Variants in HERC4 observed in about 807,000 individuals in gnomAD.
HERC4 encodes HECT and RLD domain containing E3 ubiquitin protein ligase 4.
In HERC4, 28 loss-of-function variants were observed where a neutral mutation model predicts 124.3. The ratio of observed to expected loss-of-function variants is 0.23; its 90% CI spans 0.17 to 0.31. The LOEUF is 0.31. Ranked by LOEUF, HERC4 falls within the 10% of genes least tolerant of loss-of-function variation. The pLI is 1.00. For synonymous variants in HERC4, 407 were observed against 421.5 expected (o/e 0.97, Z 0.42); for missense variants, 713 against 1,229.3 (o/e 0.58, Z 6.28).
At chr10:67,980,615 C>T (rs1344212518) in intron 15 of HERC4, among the ~76,000 whole-genome samples, 1 of 152,076 alleles carries the variant, frequency 6.6e-6, no homozygotes, top group Non-Finnish European at 1.5e-5. Context: ...AATATTACAA[C>T]ACTGTAATTA....
At chr10:67,972,465 G>C (rs960086823) in intron 15 of HERC4, among the ~76,000 whole-genome samples, 4 of 146,696 alleles carry the variant, frequency 2.7e-5, no homozygotes, top group African/African-American at 7.6e-5. Flanking sequence ...AGGTTGCGGT[G>C]AGCTGAGATC....
At chr10:68,052,070 GA>G (rs969157129) in intron 3 of HERC4, among the ~76,000 whole-genome samples, 1 of 148,548 alleles carries the variant, frequency 6.7e-6, no homozygotes, top group Non-Finnish European at 1.5e-5. Flanking sequence ...TTCTCTTCAA[GA>G]AAAAAAAAGA....
chr10:68,057,180 T>C (rs1412250522), intron 3 of HERC4, among the ~76,000 whole-genome samples: 1 of 152,134 alleles, frequency 6.6e-6, no homozygotes, highest in Non-Finnish European at 1.5e-5. Flanking sequence ...TGTATAACAG[T>C]GGGTACACAG....
At chr10:67,984,301 C>CAA (rs928310831) in intron 15 of HERC4, among the ~76,000 whole-genome samples, 50 of 67,816 alleles carry the variant, frequency 7.4e-4, no homozygotes, top group Admixed American at 1.8e-3. Context: ...GACTCCATCT[C>CAA]AAAAAAAAAA....
intron 4 of HERC4, among the ~76,000 whole-genome samples, chr10:68,043,943 T>G (rs1467792777): frequency 6.6e-6 from 1 of 152,198 alleles, no homozygotes; most frequent in Admixed American, 6.5e-5. Context: ...GGCTCACTGC[T>G]ATGTACAAAG....
chr10:68,050,142 A>C (rs1158655885), intron 3 of HERC4, among the ~76,000 whole-genome samples: 1 of 152,182 alleles, frequency 6.6e-6, no homozygotes, highest in Non-Finnish European at 1.5e-5. Context: ...GCAGTGACCA[A>C]GACTGCATCA....
intron 19 of HERC4, among the ~76,000 whole-genome samples, chr10:67,947,004 G>A (rs866189470): frequency 2.0e-5 from 3 of 152,282 alleles, no homozygotes; most frequent in African/African-American, 7.2e-5. Context: ...GAGAGAGAGA[G>A]AGACCCCAAT....
chr10:68,010,444 T>G, intron 9 of HERC4: 1 of 945,150 alleles, frequency 1.1e-6, no homozygotes, highest in Non-Finnish European at 1.7e-6. Flanking sequence ...TGCTTGCCCT[T>G]CTGGCGCCAA....
chr10:67,967,089 T>C (rs193172903), intron 15 of HERC4, among the ~76,000 whole-genome samples: 25 of 152,286 alleles, frequency 1.6e-4, no homozygotes, highest in East Asian at 3.9e-4. Context: ...CTCCTGACCT[T>C]GTGATCTGTC....
chr10:67,955,121 CAATA>C lies in HERC4; in HGVS notation c.2031_2034del (p.Asp679ArgfsTer14). ...GAGACATTCTGCCTGTGGGCCTGAT[CAATA>C]GCCATCTGGAAAACAAAAGATTAAC... On this transcript the variant is annotated frameshift_variant, in exon 18 of 25. Transcript: ENST00000373700. LOFTEE classifies it high-confidence loss of function. 6.4e-7 allele frequency: 1 copy of C among 1,573,518 alleles called. No homozygotes were observed. Among genetic ancestry groups the C allele is most frequent in the Non-Finnish European group, 8.6e-7 (1 of 1,165,796 alleles).
intron 23 of HERC4, among the ~76,000 whole-genome samples, chr10:67,928,554 T>C (rs2031410002): frequency 6.6e-6 from 1 of 152,170 alleles, no homozygotes; most frequent in African/African-American, 2.4e-5. Flanking sequence ...TTGCCCTTAG[T>C]CCAACCTTCA....
At chr10:67,954,899 G>A (rs2034041567) in intron 18 of HERC4, 64 bp downstream of exon 18, 1 of 1,455,074 alleles carries the variant, frequency 6.9e-7, no homozygotes, top group Non-Finnish European at 9.1e-7. Context: ...AAAACAAATA[G>A]GAAAATTTTA....
Position 67,941,022 on chromosome 10 carries a change from A to G in HERC4, c.2421T>C (p.His807=). The part of the protein sequence containing the change: ...AIYNCTIVDL[H]FPLALYKKLL... Reference sequence around the variant, plus strand: ...GTTTCTTATATAAAGCCAAAGGAAAATGGAGGTCCACAATGGTACAATTAT... The same window carrying G: ...GTTTCTTATATAAAGCCAAAGGAAAGTGGAGGTCCACAATGGTACAATTAT... The change falls in exon 20 of 25, where the codon CAT becomes CAC. Residue 807 remains histidine, a synonymous_variant. Transcript: ENST00000373700. The G allele has an allele frequency of 1.9e-6, 3 of 1,612,068 alleles. No homozygotes were observed. Among genetic ancestry groups the G allele is most frequent in the Non-Finnish European group, 2.5e-6 (3 of 1,179,042 alleles).
intron 3 of HERC4, among the ~76,000 whole-genome samples, chr10:68,045,230 G>T (rs1161328102): frequency 1.3e-5 from 2 of 152,198 alleles, no homozygotes; most frequent in Non-Finnish European, 2.9e-5. Flanking sequence ...GGCTGAAACA[G>T]GAGACTCGCT....
At chr10:68,066,171 A>C (rs948565054) in intron 3 of HERC4, among the ~76,000 whole-genome samples, 2 of 152,238 alleles carry the variant, frequency 1.3e-5, no homozygotes, top group Non-Finnish European at 2.9e-5. Flanking sequence ...TATACTTTAT[A>C]GCCTAGGAAT....
intron 15 of HERC4, 109 bp from the exon 16 acceptor site, chr10:67,966,911 G>T (rs983100525): frequency 1.4e-6 from 1 of 733,284 alleles, no homozygotes; most frequent in Non-Finnish European, 2.0e-6. Flanking sequence ...CTGGAGTGCA[G>T]TGGCACAATC....
At chr10:67,949,459 A>G (rs545687812) in intron 19 of HERC4, among the ~76,000 whole-genome samples, 2 of 152,296 alleles carry the variant, frequency 1.3e-5, no homozygotes, top group Admixed American at 1.3e-4. Context: ...AAAATACCAG[A>G]AAAGGACCTT....
rs191625265 is a variant in HERC4 at position 67,932,903 on chromosome 10, T to C, written c.2655-123A>G. The C allele has an allele frequency of 2.5e-5, 20 of 801,368 alleles. No individual in the cohort carries two copies. In the Admixed American group the frequency reaches 6.9e-4, roughly 28 times the overall value. 49.6% of individuals were successfully genotyped at this position (801,368 alleles called of 1,614,324 possible). A position where few individuals can be genotyped will look rare whatever the true frequency, so the allele number is the denominator to read the frequency against. ...CTACATATCTACGAAACTGAGAATG[T>C]ATGAGTAGCGTTCAAACAGGACAAA... On this transcript the variant is annotated intron_variant, in intron 22 of 24. Coordinates refer to ENST00000373700, the MANE Select transcript of HERC4 (RefSeq NM_015601.4).
chr10:68,040,126 G>A (rs1476250190), intron 4 of HERC4: 61 of 968,608 alleles, frequency 6.3e-5, no homozygotes, highest in Non-Finnish European at 7.0e-5. Flanking sequence ...ACATTTGTAA[G>A]GTCTTGGAGG....
Sources: gnomAD v4.1 joint callset for allele counts (sites outside exome capture counted in the v4.1 genomes callset) on GRCh38, gnomAD v4.1.1 for gene constraint, MANE v1.5 for transcripts, NCBI Gene and HGNC (gene_info 2026-07-23, HGNC 2026-07-21) for gene names.